Variants in XKR4 observed in about 807,000 individuals in gnomAD.
XKR4 encodes the protein XK-related protein 4.
Under a neutral mutation model 53.9 loss-of-function variants are expected in XKR4, and 12 were observed. That is an observed-to-expected ratio of 0.22 (90% CI 0.14 to 0.36). XKR4 has a LOEUF of 0.36. Among genes scored for constraint, XKR4 ranks in the 10% least tolerant of loss-of-function variants. XKR4 has a pLI of 1.00. For synonymous variants in XKR4, 354 were observed against 362.4 expected, an observed-to-expected ratio of 0.98 and a Z score of 0.26; for missense variants, 799 against 859.5, an observed-to-expected ratio of 0.93 and a Z score of 0.88.
At chr8:55,460,574 T>C (rs1805639583) in intron 2 of XKR4, among the ~76,000 whole-genome samples, 1 of 152,184 alleles carries the variant, frequency 6.6e-6, no homozygotes, top group African/African-American at 2.4e-5. Context: ...GATGGATGAT[T>C]TCTGCATTTC....
intron 1 of XKR4, among the ~76,000 whole-genome samples, chr8:55,181,770 G>T (rs932636621): frequency 6.6e-6 from 1 of 152,108 alleles, no homozygotes; most frequent in Non-Finnish European, 1.5e-5. Context: ...AAGGTCAGCT[G>T]TAAAATACAG....
At chr8:55,216,744 T>C (rs895571585) in intron 1 of XKR4, among the ~76,000 whole-genome samples, 24 of 133,772 alleles carry the variant, frequency 1.8e-4, no homozygotes, top group African/African-American at 6.0e-4. Flanking sequence ...AAAAAAAAAA[T>C]TATTAGCCAC....
chr8:55,324,459 A>T (rs1180359445), intron 1 of XKR4, among the ~76,000 whole-genome samples: 2 of 152,192 alleles, frequency 1.3e-5, no homozygotes, highest in Non-Finnish European at 2.9e-5. Context: ...GTAACTTTAG[A>T]TCATATCCTA....
rs1428448819 is a variant in XKR4 at position 55,524,100 on chromosome 8, G to A, written c.1826G>A (p.Arg609Lys). The A allele has an allele frequency of 6.2e-7, 1 of 1,614,232 alleles. No individual in the cohort carries two copies. The highest frequency in any genetic ancestry group is 1.7e-5 in the Admixed American group (1 of 60,032). The change falls in exon 3 of 3, where the codon AGA becomes AAA. Residue 609 changes from arginine to lysine, a missense_variant. Around this residue, in one of 3 missense-constraint regions of XKR4, gnomAD observed 269 missense variants for 264.4 expected, o/e 1.02. Coordinates refer to ENST00000327381, the MANE Select transcript of XKR4 (RefSeq NM_052898.2). ...LFRNRYPAWE[R>K]HVLDRSLRKA... The stretch of plus-strand genomic sequence containing the variant: ...AGGAATAGGTACCCAGCATGGGAGA[G>A]ACATGTTTTGGACCGAAGCCTCCGA...
intron 1 of XKR4, among the ~76,000 whole-genome samples, chr8:55,302,981 C>A (rs1422902784): frequency 6.6e-6 from 1 of 152,122 alleles, no homozygotes; most frequent in East Asian, 1.9e-4. Flanking sequence ...AATTGAATAC[C>A]CTTTATTTCC....
At chr8:55,465,051 G>A (rs549495447) in intron 2 of XKR4, among the ~76,000 whole-genome samples, 3 of 152,168 alleles carry the variant, frequency 2.0e-5, no homozygotes, top group Non-Finnish European at 4.4e-5. Context: ...CATGAAAATG[G>A]CCATACTGCC....
intron 1 of XKR4, among the ~76,000 whole-genome samples, chr8:55,184,524 A>G (rs1303568043): frequency 7.2e-5 from 11 of 152,180 alleles, no homozygotes; most frequent in Admixed American, 7.2e-4. Context: ...GGACATTACC[A>G]AGCCTTGACT....
intron 1 of XKR4, among the ~76,000 whole-genome samples, chr8:55,351,578 T>C (rs953701141): frequency 3.3e-5 from 5 of 152,056 alleles, no homozygotes; most frequent in Non-Finnish European, 7.4e-5. Flanking sequence ...ACCATGGAGG[T>C]CCTGAATTTA....
At chr8:55,149,354 C>T (rs1816811665) in intron 1 of XKR4, among the ~76,000 whole-genome samples, 1 of 152,084 alleles carries the variant, frequency 6.6e-6, no homozygotes, top group Admixed American at 6.5e-5. Context: ...ACTAGAGCTG[C>T]CTTACGCTGT....
chr8:55,456,658 T>G (rs1171764770), intron 2 of XKR4, among the ~76,000 whole-genome samples: 1 of 152,194 alleles, frequency 6.6e-6, no homozygotes, highest in Non-Finnish European at 1.5e-5. Context: ...GCTTGTTATA[T>G]CAACAGCAAA....
At chr8:55,407,226 C>T (rs143015770) in intron 2 of XKR4, among the ~76,000 whole-genome samples, 15 of 147,282 alleles carry the variant, frequency 1.0e-4, no homozygotes, top group African/African-American at 3.5e-4. Context: ...GAACTTGGGG[C>T]CAGCCTCGCA....
chr8:55,284,474 C>G (rs564003013), intron 1 of XKR4, among the ~76,000 whole-genome samples: 1 of 152,244 alleles, frequency 6.6e-6, no homozygotes, highest in South Asian at 2.1e-4. Context: ...GATGGCCCAA[C>G]TCGTATGGCT....
intron 2 of XKR4, among the ~76,000 whole-genome samples, chr8:55,475,908 C>T (rs1485259981): frequency 5.9e-5 from 9 of 151,862 alleles, no homozygotes; most frequent in South Asian, 4.2e-4. Context: ...GCCTCACACT[C>T]ACTATTTTTC....
chr8:55,122,689 T>C (rs1017567753), intron 1 of XKR4, among the ~76,000 whole-genome samples: 9 of 152,206 alleles, frequency 5.9e-5, no homozygotes, highest in Non-Finnish European at 1.3e-4. Context: ...TAGAGATGAA[T>C]GCTCTGAAAT....
At chr8:55,377,057 G>A (rs1233794614) in intron 2 of XKR4, among the ~76,000 whole-genome samples, 1 of 152,164 alleles carries the variant, frequency 6.6e-6, no homozygotes, top group Non-Finnish European at 1.5e-5. Context: ...CAATATTTGC[G>A]AGTTATAATG....
chr8:55,461,654 G>T (rs578202056), intron 2 of XKR4, among the ~76,000 whole-genome samples: 5 of 152,310 alleles, frequency 3.3e-5, no homozygotes, highest in East Asian at 1.9e-4. Flanking sequence ...AGAGAGGAAG[G>T]CTTCAGAACA....
chr8:55,485,037 A>G (rs534717795), intron 2 of XKR4, among the ~76,000 whole-genome samples: 1 of 152,386 alleles, frequency 6.6e-6, no homozygotes, highest in East Asian at 1.9e-4. Context: ...CAACTGAGGC[A>G]GAAAAAGCAC....
chr8:55,131,360 C>T (rs1816552021), intron 1 of XKR4, among the ~76,000 whole-genome samples: 1 of 152,132 alleles, frequency 6.6e-6, no homozygotes. Context: ...TTCAGGGATC[C>T]TTCTCATTCT....
rs1010285038 is a variant in XKR4, at chr8:55,503,761, G to T, written c.1007-19520G>T. Among the ~76,000 whole-genome samples the T allele has an allele frequency of 7.9e-5, 12 of 152,092 alleles. 1 individual carries two copies. The highest frequency in any genetic ancestry group is 1.3e-4 in the Non-Finnish European group (9 of 68,010). ...CTTTGAAGAGAAGTTGCAAAAGTGG[G>T]CATCCTTGTCTTTTTCTTGACCTTA... On this transcript the variant is annotated intron_variant, in intron 2 of 2. Transcript: ENST00000327381.
Sources: gnomAD v4.1 joint callset for allele counts (sites outside exome capture counted in the v4.1 genomes callset) on GRCh38, gnomAD v4.1.1 for gene constraint, gnomAD v4.1.1 regional missense constraint, MANE v1.5 for transcripts, NCBI Gene and HGNC (gene_info 2026-07-23, HGNC 2026-07-21) for gene names.